Variants in SORL1 observed in about 807,000 individuals in gnomAD.
SORL1 encodes sortilin-related receptor.
A neutral mutation model predicts 273.7 loss-of-function variants in SORL1; 127 were observed. The observed-to-expected ratio is 0.46, with a 90% CI of 0.40 to 0.54. The LOEUF (loss-of-function observed/expected upper bound fraction) is 0.54. Ranked by LOEUF, SORL1 falls within the 20% of genes least tolerant of loss-of-function variation. The pLI, the probability that SORL1 is intolerant of heterozygous loss-of-function variation, is 0.00. For synonymous variants in SORL1, 1,031 were observed against 1,067.4 expected, an observed-to-expected ratio of 0.97 and a Z score of 0.66; for missense variants, 2,494 against 2,846.1, an observed-to-expected ratio of 0.88 and a Z score of 2.81.
chr11:121,557,491 ACT>A (rs966938776), intron 19 of SORL1, 86 bp downstream of exon 19: 5 of 1,027,252 alleles, frequency 4.9e-6, no homozygotes, highest in East Asian at 4.8e-5. Flanking sequence ...CGGGACAAAA[ACT>A]CTGTTTCTCA....
chr11:121,621,371 A>G lies in SORL1; in HGVS notation c.6064+133A>G, dbSNP rs755809208. The G allele has an allele frequency of 1.8e-5, 14 of 781,866 alleles. 1 individual carries two copies. The South Asian group carries it at 1.8e-4, about 10-fold the overall frequency. The allele number at this position is 781,866 out of a possible 1,614,324, so 48.4% of individuals were successfully genotyped here. ...GCAAACGCTGCCCTTCAATATTCCT[A>G]CAGGGGCAGAGTAGTGCAGAGGCTC... is the stretch of plus-strand genomic sequence containing the variant. On this transcript the variant is annotated intron_variant, in intron 44 of 47. Coordinates refer to ENST00000260197, the MANE Select transcript of SORL1 (RefSeq NM_003105.6).
At chr11:121,525,143 G>A (rs896663040) in intron 11 of SORL1, among the ~76,000 whole-genome samples, 2 of 152,132 alleles carry the variant, frequency 1.3e-5, no homozygotes, top group African/African-American at 4.8e-5. Context: ...GTCCTTGTCT[G>A]CTTCTGTTAT....
At chr11:121,504,189 G>A (rs544709784) in intron 6 of SORL1, among the ~76,000 whole-genome samples, 28 of 152,274 alleles carry the variant, frequency 1.8e-4, no homozygotes, top group African/African-American at 6.0e-4. Context: ...TGAGGTGGGC[G>A]GATCACGAGG....
rs760644060 is a variant in SORL1 at position 121,615,073 on chromosome 11, A to T, written c.5604+18A>T. 3.2e-6 allele frequency: 5 copies of T among 1,578,804 alleles called. No homozygotes were observed. Among genetic ancestry groups the T allele is most frequent in the Non-Finnish European group, 4.3e-6 (5 of 1,162,106 alleles). ...GGAATGTGGTGAGTCAGCCAGAATG[A>T]CCATCACAAAGTGAGTGTGGACTGT... On this transcript the variant is annotated intron_variant, in intron 41 of 47. Transcript: ENST00000260197.
intron 12 of SORL1, among the ~76,000 whole-genome samples, chr11:121,539,932 G>C (rs1402776115): frequency 1.3e-5 from 2 of 152,060 alleles, no homozygotes; most frequent in Non-Finnish European, 2.9e-5. Context: ...ATTCTTTATA[G>C]AACTTGCCAG....
intron 12 of SORL1, among the ~76,000 whole-genome samples, chr11:121,534,212 T>C (rs1156228395): frequency 6.6e-6 from 1 of 152,202 alleles, no homozygotes; most frequent in Non-Finnish European, 1.5e-5. Context: ...GGCTTTCAGA[T>C]TTCAGAGTCA....
chr11:121,633,048 C>G lies in SORL1; in HGVS notation c.*3485C>G, dbSNP rs888526698. On this transcript the variant is annotated 3_prime_UTR_variant, in exon 48 of 48. Transcript: ENST00000260197. ...TTATTTTTCTTAACTGGAGTGTGTG[C>G]TGCCTTTCAGGTACAATTTTTGTGT... The G allele has an allele frequency of 6.6e-5, 10 of 152,142 alleles. No homozygotes were observed. Among genetic ancestry groups the G allele is most frequent in the Non-Finnish European group, 1.3e-4 (9 of 68,028 alleles). 9.4% of individuals were successfully genotyped at this position (152,142 alleles called of 1,614,324 possible).
intron 27 of SORL1, among the ~76,000 whole-genome samples, chr11:121,587,053 T>G (rs77340373): frequency 0.021 from 3,202 of 152,328 alleles, 57 homozygotes; most frequent in South Asian, 0.064. Context: ...GTAACTACTA[T>G]TTGTTTACAT....
intron 11 of SORL1, among the ~76,000 whole-genome samples, chr11:121,523,375 C>CTAT (rs1023348985): frequency 2.0e-5 from 3 of 151,694 alleles, no homozygotes; most frequent in Non-Finnish European, 4.4e-5. Flanking sequence ...AAATGGGCTG[C>CTAT]TATTATTATT....
At chr11:121,568,899 C>G (rs1430620655) in intron 22 of SORL1, among the ~76,000 whole-genome samples, 1 of 152,188 alleles carries the variant, frequency 6.6e-6, no homozygotes, top group Non-Finnish European at 1.5e-5. Flanking sequence ...ATTTCCTTCC[C>G]TGTAGACACG....
chr11:121,503,423 G>A (rs1044956643), intron 6 of SORL1, among the ~76,000 whole-genome samples: 6 of 151,916 alleles, frequency 3.9e-5, no homozygotes, highest in African/African-American at 1.2e-4. Flanking sequence ...TGTTGAAAAG[G>A]CTATACTTTT....
chr11:121,581,581 C>T (rs1434380293), intron 25 of SORL1, among the ~76,000 whole-genome samples: 1 of 152,144 alleles, frequency 6.6e-6, no homozygotes, highest in East Asian at 1.9e-4. Flanking sequence ...GCAGTATTTA[C>T]CGGGCACTCA....
chr11:121,592,515 T>C (rs1000228995), intron 31 of SORL1, among the ~76,000 whole-genome samples: 10 of 152,244 alleles, frequency 6.6e-5, no homozygotes, highest in African/African-American at 2.4e-4. Context: ...CTTTAAATGA[T>C]TTCCATCTCT....
chr11:121,628,480 G>A (rs964411784), intron 47 of SORL1, among the ~76,000 whole-genome samples: 23 of 152,122 alleles, frequency 1.5e-4, no homozygotes, highest in African/African-American at 5.6e-4. Flanking sequence ...GACAGGAGGC[G>A]AGGCTCAGGC....
chr11:121,577,355 G>C lies in SORL1; in HGVS notation c.3535G>C (p.Gly1179Arg), dbSNP rs752701609. ...MCIRSSWVCD[G>R]DNDCRDWSDE... is the part of the protein sequence containing the mutation. ...CATCCGCTCCTCCTGGGTATGTGACGGGGACAACGACTGCAGGGACTGGTC... is the reference window on the plus strand; with the variant it reads ...CATCCGCTCCTCCTGGGTATGTGACCGGGACAACGACTGCAGGGACTGGTC... The change falls in exon 25 of 48, where the codon GGG becomes CGG. Residue 1179 changes from glycine (G) to arginine (R), a missense_variant. Gly to Arg is a moderately radical substitution (Grantham distance 125). Coordinates refer to ENST00000260197, the MANE Select transcript of SORL1 (RefSeq NM_003105.6). 6.2e-7 allele frequency: 1 copy of C among 1,613,484 alleles called. No individual in the cohort carries two copies. The highest frequency in any genetic ancestry group is 1.1e-5 in the South Asian group (1 of 90,982).
At chr11:121,577,198 T>A (rs1809469992) in intron 24 of SORL1, 83 bp from the exon 25 acceptor site, 1 of 1,503,648 alleles carries the variant, frequency 6.7e-7, no homozygotes, top group African/African-American at 1.4e-5. Context: ...TCCATCTCCA[T>A]CCTTTATGAG....
chr11:121,548,814 G>A (rs932568022), intron 14 of SORL1, among the ~76,000 whole-genome samples: 6 of 151,996 alleles, frequency 3.9e-5, no homozygotes, highest in Non-Finnish European at 5.9e-5. Context: ...TGAGCCACCC[G>A]CCTCAGCCTC....
intron 1 of SORL1, among the ~76,000 whole-genome samples, chr11:121,455,982 GACTCCATCTAA>G (rs370265773): frequency 3.9e-4 from 57 of 144,630 alleles, no homozygotes; most frequent in African/African-American, 1.4e-3. Flanking sequence ...GACAGAGTGA[GACTCCATCTAA>G]AAAAAAAAAA....
rs374440595 is a variant in SORL1, at chr11:121,589,240, A to G, written c.3947-19A>G. 8.7e-6 allele frequency: 14 copies of G among 1,611,776 alleles called. No homozygotes were observed. Among genetic ancestry groups the G allele is most frequent in the African/African-American group, 5.3e-5 (4 of 74,856 alleles). On this transcript the variant is annotated intron_variant, in intron 28 of 47. Transcript: ENST00000260197. ...GCATGGAAGTTCCTGGACTTCATGGATGTTTGTTCCCTCTGTAGCCCAAGA... is the reference window on the plus strand; with the variant it reads ...GCATGGAAGTTCCTGGACTTCATGGGTGTTTGTTCCCTCTGTAGCCCAAGA...
Sources: allele counts gnomAD v4.1 joint callset (sites outside exome capture counted in the v4.1 genomes callset), GRCh38; gene constraint gnomAD v4.1.1; transcripts MANE v1.5; gene names NCBI Gene and HGNC (gene_info 2026-07-23, HGNC 2026-07-21).